Variants in ISM1 observed in about 807,000 individuals in gnomAD.
The protein encoded by ISM1 is isthmin 1, also known as isthmin-1.
In ISM1, 25 loss-of-function variants were observed where a neutral mutation model predicts 46.3. The ratio of observed to expected loss-of-function variants is 0.54; its 90% CI spans 0.39 to 0.75. ISM1 has a LOEUF of 0.75. ISM1 is among the 30% of genes least tolerant of loss of function. ISM1 has a pLI of 0.00. For missense variants in ISM1, 536 were observed against 625.4 expected (o/e 0.86, Z 1.52); for synonymous variants, 255 against 256.7 (o/e 0.99, Z 0.06).
chr20:13,263,639 G>A (rs149678251), intron 1 of ISM1, among the ~76,000 whole-genome samples: 224 of 152,250 alleles, frequency 1.5e-3, no homozygotes, highest in Non-Finnish European at 2.6e-3. Flanking sequence ...ATCGATGCTC[G>A]GCACAGATAA....
intron 3 of ISM1, 36 bp from the exon 4 acceptor site, chr20:13,288,504 C>T: frequency 6.2e-7 from 1 of 1,605,300 alleles, no homozygotes; most frequent in African/African-American, 1.3e-5. Flanking sequence ...GACTCTTTGG[C>T]CAAAGTTGAT....
chr20:13,263,053 T>G (rs2040005173), intron 1 of ISM1, among the ~76,000 whole-genome samples: 1 of 152,162 alleles, frequency 6.6e-6, no homozygotes, highest in Non-Finnish European at 1.5e-5. Context: ...CTCAGGGCTG[T>G]CGTCAGAGTG....
chr20:13,255,360 T>C (rs1450423003), intron 1 of ISM1, among the ~76,000 whole-genome samples: 2 of 152,232 alleles, frequency 1.3e-5, no homozygotes, highest in Non-Finnish European at 2.9e-5. Context: ...CATTGTACAG[T>C]TGAGTTTACA....
At chr20:13,281,643 T>A (rs1283049506) in intron 3 of ISM1, among the ~76,000 whole-genome samples, 1 of 152,094 alleles carries the variant, frequency 6.6e-6, no homozygotes, top group East Asian at 1.9e-4. Flanking sequence ...TCTGCCTTTC[T>A]GGGGAAAAAA....
At chr20:13,288,363 C>T (rs1412098652) in intron 3 of ISM1, among the ~76,000 whole-genome samples, 177 bp from the exon 4 acceptor site, 2 of 152,202 alleles carry the variant, frequency 1.3e-5, no homozygotes, top group Non-Finnish European at 2.9e-5. Context: ...TGTCACAAAG[C>T]TGATCCCTAA....
chr20:13,281,458 A>G (rs2040237549), intron 3 of ISM1, among the ~76,000 whole-genome samples: 1 of 152,228 alleles, frequency 6.6e-6, no homozygotes, highest in Non-Finnish European at 1.5e-5. Context: ...GTCCCTGTTC[A>G]TGGCGTTTCA....
At chr20:13,304,258 C>G (rs1213001014), downstream of ISM1, among the ~76,000 whole-genome samples, 1 of 152,146 alleles carries the variant, frequency 6.6e-6, no homozygotes, top group African/African-American at 2.4e-5. Flanking sequence ...GCAGAGATGG[C>G]TGCATGAGCA....
intron 3 of ISM1, among the ~76,000 whole-genome samples, chr20:13,281,170 T>A (rs1178982738): frequency 6.6e-6 from 1 of 152,248 alleles, no homozygotes; most frequent in Admixed American, 6.5e-5. Context: ...TCCAGCACTA[T>A]GCTGGGTACA....
chr20:13,270,457 T>A (rs781555023), intron 1 of ISM1, 47 bp from the exon 2 acceptor site: 8 of 1,563,028 alleles, frequency 5.1e-6, no homozygotes, highest in Non-Finnish European at 6.1e-6. Context: ...TGACATTTTT[T>A]AATCATGTGT....
chr20:13,307,886 A>T, the ISM1 span, among the ~76,000 whole-genome samples: 2 of 152,336 alleles, frequency 1.3e-5, no homozygotes, highest in African/African-American at 4.8e-5. Flanking sequence ...GAGTGCTACT[A>T]TGGACAGTCC....
At chr20:13,261,735 T>A (rs1261161133) in intron 1 of ISM1, among the ~76,000 whole-genome samples, 1 of 152,256 alleles carries the variant, frequency 6.6e-6, no homozygotes, top group South Asian at 2.1e-4. Flanking sequence ...TAGCAATAGG[T>A]TTCAATGAGG....
At chr20:13,318,346 A>T in the ISM1 span, among the ~76,000 whole-genome samples, 1 of 152,180 alleles carries the variant, frequency 6.6e-6, no homozygotes, top group East Asian at 1.9e-4. Flanking sequence ...AAGGATGTGG[A>T]GCAACAGGAA....
chr20:13,272,763 T>C lies in ISM1; in HGVS notation c.378+2020T>C, dbSNP rs547031493. Among the ~76,000 whole-genome samples, 51 of 152,332 alleles carry C rather than the reference T, an allele frequency of 3.3e-4. 1 individual carries two copies. In the South Asian group the frequency reaches 0.011, roughly 32 times the overall value. ...TAAAGAGCAATGGAACCCTTTGGAA[T>C]AGGTGCAGATTGGCAAGGAAGGCAC... On this transcript the variant is annotated intron_variant, in intron 2 of 5. Coordinates refer to ENST00000262487, the MANE Select transcript of ISM1 (RefSeq NM_080826.2).
At chr20:13,251,272 A>G (rs2039865451) in intron 1 of ISM1, among the ~76,000 whole-genome samples, 1 of 152,198 alleles carries the variant, frequency 6.6e-6, no homozygotes, top group Non-Finnish European at 1.5e-5. Flanking sequence ...TTCCACAGGC[A>G]TTGAATTCTG....
At chr20:13,292,514 T>C in intron 5 of ISM1, 51 bp downstream of exon 5, 1 of 1,184,998 alleles carries the variant, frequency 8.4e-7, no homozygotes, top group South Asian at 1.3e-5. Flanking sequence ...GCCTCGGAGA[T>C]TCCTTTTGCT....
chr20:13,298,363 G>A (rs1005538563), intron 5 of ISM1, among the ~76,000 whole-genome samples: 1 of 152,102 alleles, frequency 6.6e-6, no homozygotes, highest in Non-Finnish European at 1.5e-5. Flanking sequence ...TGATCCGCCC[G>A]CCTCAGCCTC....
At chr20:13,274,000 C>T (rs988647641) in intron 2 of ISM1, among the ~76,000 whole-genome samples, 3 of 151,964 alleles carry the variant, frequency 2.0e-5, no homozygotes, top group Non-Finnish European at 4.4e-5. Flanking sequence ...GAAAGATGTT[C>T]AAAGAAAGAA....
chr20:13,248,369 A>T (rs1247190467), intron 1 of ISM1, among the ~76,000 whole-genome samples: 1 of 152,104 alleles, frequency 6.6e-6, no homozygotes, highest in Non-Finnish European at 1.5e-5. Flanking sequence ...GGAAAATTTG[A>T]TATTCTTTTG....
At chr20:13,277,724 A>G (rs191709477) in intron 2 of ISM1, among the ~76,000 whole-genome samples, 6 of 150,734 alleles carry the variant, frequency 4.0e-5, no homozygotes, top group Admixed American at 2.6e-4. Flanking sequence ...ACAAGACTGG[A>G]GTAAGGGTGG....
Sources: gnomAD v4.1 joint callset for allele counts (sites outside exome capture counted in the v4.1 genomes callset) on GRCh38, gnomAD v4.1.1 for gene constraint, MANE v1.5 for transcripts, NCBI Gene and HGNC (gene_info 2026-07-23, HGNC 2026-07-21) for gene names.